Variants in BICC1 observed in about 807,000 individuals in gnomAD.
The protein encoded by BICC1 is protein bicaudal C homolog 1.
In BICC1, 43 loss-of-function variants were observed where a neutral mutation model predicts 111.0. That is an observed-to-expected ratio of 0.39 (90% CI 0.30 to 0.50). The LOEUF (loss-of-function observed/expected upper bound fraction) is 0.50, where lower values mean the gene tolerates loss of function less well. Ranked by LOEUF, BICC1 falls within the 20% of genes least tolerant of loss-of-function variation. The pLI is 0.88. For synonymous variants in BICC1, 467 were observed against 434.4 expected (o/e 1.07, Z -0.93); for missense variants, 1,091 against 1,203.2 (o/e 0.91, Z 1.38).
At chr10:58,590,155 G>A (rs563031849) in intron 1 of BICC1, among the ~76,000 whole-genome samples, 2 of 152,136 alleles carry the variant, frequency 1.3e-5, no homozygotes, top group Non-Finnish European at 2.9e-5. Context: ...TGATTTTAAT[G>A]GACTTAGGGG....
chr10:58,513,855 C>T (rs1589051066), intron 1 of BICC1, among the ~76,000 whole-genome samples: 1 of 152,220 alleles, frequency 6.6e-6, no homozygotes, highest in African/African-American at 2.4e-5. Context: ...CTCCCGCCCC[C>T]ACCCCTGTGG....
chr10:58,522,574 A>G (rs1842420540), intron 1 of BICC1, among the ~76,000 whole-genome samples: 1 of 152,302 alleles, frequency 6.6e-6, no homozygotes, highest in African/African-American at 2.4e-5. Flanking sequence ...AGGGAAATTT[A>G]TAGGACTAAA....
chr10:58,782,870 G>A (rs980393322), intron 3 of BICC1, among the ~76,000 whole-genome samples: 1 of 152,148 alleles, frequency 6.6e-6, no homozygotes. Context: ...TGAATAAAAT[G>A]ATCTGTCTGT....
In BICC1 at chr10:58,786,919, A is replaced by G. The variant is rs754411359; in HGVS notation, c.388-4A>G. 8.3e-6 allele frequency: 13 copies of G among 1,569,338 alleles called. No homozygotes were observed. Among genetic ancestry groups the G allele is most frequent in the African/African-American group, 1.4e-5 (1 of 71,868 alleles). On this transcript the variant is annotated splice_polypyrimidine_tract_variant and splice_region_variant and intron_variant, in intron 4 of 20. Coordinates refer to ENST00000373886, the MANE Select transcript of BICC1 (RefSeq NM_001080512.3). The stretch of plus-strand genomic sequence containing the variant: ...TCAAGTAATAATACATTATTTTCAC[A>G]TAGAGCAATCGAGTCACACTGAAGA...
At chr10:58,660,433 CTG>C (rs60177991) in intron 2 of BICC1, among the ~76,000 whole-genome samples, 149,616 of 151,708 alleles carry the variant, frequency 0.99, 73,804 homozygotes, top group Middle Eastern at 1. Context: ...TCTTTTCTTG[CTG>C]TGACTCTTGT....
In BICC1 at chr10:58,708,046, G is replaced by A. The variant is rs571502317; in HGVS notation, c.307+5903G>A. On this transcript the variant is annotated intron_variant, in intron 3 of 20. Transcript: ENST00000373886. ...TTTAGTAGAGACAGGGTTTTACCAT[G>A]TTGGCCAGGCTGGTCGTGAACTCCT... is the stretch of plus-strand genomic sequence containing the variant. Among the ~76,000 whole-genome samples the A allele has an allele frequency of 9.1e-4, 103 of 113,392 alleles. 1 individual carries two copies. Among genetic ancestry groups the A allele is most frequent in the East Asian group, 2.6e-3 (9 of 3,506 alleles). 74.4% of individuals were successfully genotyped at this position (113,392 alleles called of 152,430 possible).
intron 1 of BICC1, among the ~76,000 whole-genome samples, chr10:58,587,776 G>T (rs756041787): frequency 2.0e-5 from 3 of 152,152 alleles, no homozygotes; most frequent in Non-Finnish European, 4.4e-5. Flanking sequence ...TGGCTAAAAA[G>T]CTCCATTTAT....
In BICC1 at chr10:58,724,149, A is replaced by G. The variant is rs78393372; in HGVS notation, c.307+22006A>G. Among the ~76,000 whole-genome samples, 1,017 of 152,338 alleles carry G rather than the reference A, an allele frequency of 6.7e-3. 10 individuals carry two copies. The highest frequency in any genetic ancestry group is 0.024 in the African/African-American group (984 of 41,576). On this transcript the variant is annotated intron_variant, in intron 3 of 20. Transcript: ENST00000373886. Reference sequence around the variant, plus strand: ...TTGCTAGCCAGTTTTGAAATGTTACATGTCCAAACACCTCATAACTTATGC... The same window carrying G: ...TTGCTAGCCAGTTTTGAAATGTTACGTGTCCAAACACCTCATAACTTATGC...
intron 15 of BICC1, among the ~76,000 whole-genome samples, chr10:58,804,423 T>C (rs927579553): frequency 6.6e-6 from 1 of 151,954 alleles, no homozygotes; most frequent in Admixed American, 6.6e-5. Flanking sequence ...GAGGCCGAGG[T>C]GGGAGGATCA....
intron 3 of BICC1, among the ~76,000 whole-genome samples, chr10:58,705,896 GTCA>G (rs1357063250): frequency 6.6e-6 from 1 of 152,138 alleles, no homozygotes; most frequent in African/African-American, 2.4e-5. Flanking sequence ...GGAAGGTTGA[GTCA>G]TCATTAGAGC....
chr10:58,562,210 C>G (rs529621368), intron 1 of BICC1, among the ~76,000 whole-genome samples: 15 of 152,188 alleles, frequency 9.9e-5, no homozygotes, highest in Admixed American at 9.8e-4. Flanking sequence ...CTTTTTCCAT[C>G]TCTTTGTTGA....
At chr10:58,584,381 TG>T (rs1353182527) in intron 1 of BICC1, among the ~76,000 whole-genome samples, 1 of 152,068 alleles carries the variant, frequency 6.6e-6, no homozygotes, top group African/African-American at 2.4e-5. Context: ...AAATGATGGT[TG>T]GTGGAATTAG....
chr10:58,669,636 A>G (rs1839121159), intron 2 of BICC1, among the ~76,000 whole-genome samples: 1 of 152,144 alleles, frequency 6.6e-6, no homozygotes, highest in South Asian at 2.1e-4. Flanking sequence ...ATAATGTGAC[A>G]TTTGAGATGC....
intron 1 of BICC1, among the ~76,000 whole-genome samples, chr10:58,606,296 T>C (rs917463224): frequency 6.6e-6 from 1 of 152,098 alleles, no homozygotes; most frequent in Non-Finnish European, 1.5e-5. Flanking sequence ...ATCCAAGTAG[T>C]AGGGAGGTAA....
At position 58,513,130 on chromosome 10, in the gene BICC1, G is replaced by C; in HGVS notation, c.-14G>C. The C allele has an allele frequency of 1.4e-6, 2 of 1,444,970 alleles. No homozygotes were observed. Among genetic ancestry groups the C allele is most frequent in the Non-Finnish European group, 1.8e-6 (2 of 1,102,332 alleles). The allele number at this position is 1,444,970 out of a possible 1,614,324, so 89.5% of individuals were successfully genotyped here. A position where few individuals can be genotyped will look rare whatever the true frequency, so the allele number is the denominator to read the frequency against. ...CGGCGGCGGCAGCGGGAGCCCGAGC[G>C]CTGCGCGCCCACCATGGCCGCCCAG... is the stretch of plus-strand genomic sequence containing the variant. On this transcript the variant is annotated 5_prime_UTR_variant, in exon 1 of 21. Coordinates refer to ENST00000373886, the MANE Select transcript of BICC1 (RefSeq NM_001080512.3).
At chr10:58,512,450 T>C (rs1842110259), upstream of BICC1, among the ~76,000 whole-genome samples, 1 of 152,164 alleles carries the variant, frequency 6.6e-6, no homozygotes, top group Admixed American at 6.5e-5. Flanking sequence ...GTGTATGCGC[T>C]TAGTGTGCGT....
rs146028839 is a variant in BICC1 at position 58,676,128 on chromosome 10, G to A, written c.238-25946G>A. ...ATTTTTCCCACTGTCTTCACAACCC[G>A]CAGACCAGGAGATTCCCTAGGGTGC... On this transcript the variant is annotated intron_variant, in intron 2 of 20. Coordinates refer to ENST00000373886, the MANE Select transcript of BICC1 (RefSeq NM_001080512.3). 4.4e-3 allele frequency among the ~76,000 whole-genome samples: 672 copies of A among 152,252 alleles called. 15 individuals are homozygous for A. Among genetic ancestry groups the A allele is most frequent in the African/African-American group, 0.015 (638 of 41,552 alleles).
intron 3 of BICC1, among the ~76,000 whole-genome samples, chr10:58,762,379 A>C (rs1220436007): frequency 6.6e-6 from 1 of 152,202 alleles, no homozygotes; most frequent in African/African-American, 2.4e-5. Context: ...TGTAGGTGTC[A>C]GATTTGCTGA....
chr10:58,602,555 A>G (rs1008595121), intron 1 of BICC1, among the ~76,000 whole-genome samples: 1 of 152,184 alleles, frequency 6.6e-6, no homozygotes, highest in Non-Finnish European at 1.5e-5. Context: ...TTTAACAAAA[A>G]CAAATGATTC....
Sources: gnomAD v4.1 joint callset for allele counts (sites outside exome capture counted in the v4.1 genomes callset) on GRCh38, gnomAD v4.1.1 for gene constraint, MANE v1.5 for transcripts, NCBI Gene and HGNC (gene_info 2026-07-23, HGNC 2026-07-21) for gene names.